TPD52L1: variants seen among roughly 807,000 people sequenced by gnomAD.
The protein encoded by TPD52L1 is TPD52 like 1, also known as tumor protein D53.
A neutral mutation model predicts 28.7 loss-of-function variants in TPD52L1; 18 were observed. The ratio of observed to expected loss-of-function variants is 0.63; its 90% CI spans 0.43 to 0.93. The LOEUF is 0.93. TPD52L1 is among the 40% of genes least tolerant of loss of function. TPD52L1 has a pLI of 0.00. For synonymous variants in TPD52L1, 75 were observed against 88.8 expected, an observed-to-expected ratio of 0.84 and a Z score of 0.88; for missense variants, 203 against 254.8, an observed-to-expected ratio of 0.80 and a Z score of 1.39.
chr6:125,253,394 T>C (rs1022980280), intron 4 of TPD52L1: 2 of 368,990 alleles, frequency 5.4e-6, no homozygotes, highest in African/African-American at 4.2e-5. Flanking sequence ...GAGACCTAAG[T>C]TGGGCCTGGA....
chr6:125,178,528 G>C (rs755979856), intron 1 of TPD52L1, among the ~76,000 whole-genome samples: 5 of 152,182 alleles, frequency 3.3e-5, no homozygotes, highest in Non-Finnish European at 7.3e-5. Context: ...GGCTGAGGCA[G>C]GAGAATCGCT....
rs568332096 is a variant in TPD52L1 at position 125,163,785 on chromosome 6, C to T, written c.19+9815C>T. Among the ~76,000 whole-genome samples, 60 of 148,498 alleles carry T rather than the reference C, an allele frequency of 4.0e-4. No homozygotes were observed. In the South Asian group the frequency reaches 9.7e-3, roughly 24 times the overall value. Reference sequence around the variant, plus strand: ...TACTAAAAATACAAAAATTAGCTGGCGGGCACCTGTAATCCCAGCTACTTG... The same window carrying T: ...TACTAAAAATACAAAAATTAGCTGGTGGGCACCTGTAATCCCAGCTACTTG... On this transcript the variant is annotated intron_variant, in intron 1 of 6. Transcript: ENST00000534000.
chr6:125,222,564 C>T (rs1430774456), intron 2 of TPD52L1, among the ~76,000 whole-genome samples: 4 of 152,156 alleles, frequency 2.6e-5, no homozygotes, highest in Non-Finnish European at 4.4e-5. Flanking sequence ...TGTTTCCTTC[C>T]TCTCCCTACT....
intron 6 of TPD52L1, chr6:125,262,492 C>A (rs890186154): frequency 2.4e-5 from 4 of 167,038 alleles, no homozygotes; most frequent in Non-Finnish European, 5.1e-5. Flanking sequence ...AAATCTAATT[C>A]CATTTTGATT....
intron 3 of TPD52L1, among the ~76,000 whole-genome samples, chr6:125,235,520 C>A (rs1265326108): frequency 6.6e-6 from 1 of 152,158 alleles, no homozygotes; most frequent in Non-Finnish European, 1.5e-5. Flanking sequence ...GACCCATAGG[C>A]CGCAGGTTGG....
At chr6:125,193,451 TA>T (rs1793195144) in intron 1 of TPD52L1, among the ~76,000 whole-genome samples, 1 of 151,866 alleles carries the variant, frequency 6.6e-6, no homozygotes, top group Non-Finnish European at 1.5e-5. Context: ...GATGGGAAAA[TA>T]GCTGAGAACC....
chr6:125,164,931 C>T (rs888597728), intron 1 of TPD52L1, among the ~76,000 whole-genome samples: 4 of 151,646 alleles, frequency 2.6e-5, no homozygotes, highest in African/African-American at 7.3e-5. Context: ...CCAACAACAC[C>T]GTAAAGCCAG....
chr6:125,244,763 C>T (rs1209326858), intron 3 of TPD52L1, among the ~76,000 whole-genome samples: 2 of 152,148 alleles, frequency 1.3e-5, no homozygotes, highest in African/African-American at 4.8e-5. Flanking sequence ...CCTACACAAT[C>T]ACAGGGGATG....
At chr6:125,156,521 G>A (rs1034298109) in intron 1 of TPD52L1, among the ~76,000 whole-genome samples, 3 of 149,298 alleles carry the variant, frequency 2.0e-5, no homozygotes, top group Non-Finnish European at 3.0e-5. Context: ...TGTAATTCCA[G>A]CACTTTGGGA....
chr6:125,236,889 C>T (rs1328347629), intron 3 of TPD52L1, among the ~76,000 whole-genome samples: 1 of 152,172 alleles, frequency 6.6e-6, no homozygotes, highest in East Asian at 1.9e-4. Context: ...CTTGACTAGA[C>T]AGAAAGAGGT....
chr6:125,200,411 AGCATG>A (rs1303442018), intron 1 of TPD52L1, among the ~76,000 whole-genome samples: 4 of 152,224 alleles, frequency 2.6e-5, no homozygotes, highest in African/African-American at 9.6e-5. Flanking sequence ...TGAATAATTT[AGCATG>A]TCCTAATTTT....
At chr6:125,199,310 T>C (rs921324995) in intron 1 of TPD52L1, among the ~76,000 whole-genome samples, 13 of 152,270 alleles carry the variant, frequency 8.5e-5, no homozygotes, top group South Asian at 2.1e-4. Flanking sequence ...TAAATAATTA[T>C]TGATATTTGC....
rs1360174397 is a variant in TPD52L1 at position 125,186,687 on chromosome 6, T to G, written c.19+32717T>G. ...AATATGTACCATAAAGCCATCTTTATCAAAACGGTGTGACGTTGACACCAT... is the reference window on the plus strand; with the variant it reads ...AATATGTACCATAAAGCCATCTTTAGCAAAACGGTGTGACGTTGACACCAT... On this transcript the variant is annotated intron_variant, in intron 1 of 6. Transcript: ENST00000534000. Among the ~76,000 whole-genome samples, 4 of 152,182 alleles carry G rather than the reference T, an allele frequency of 2.6e-5. No homozygotes were observed. In the East Asian group the frequency reaches 7.7e-4, roughly 29 times the overall value.
chr6:125,204,408 G>T (rs1183035665), intron 1 of TPD52L1, among the ~76,000 whole-genome samples: 17 of 152,170 alleles, frequency 1.1e-4, no homozygotes, highest in Admixed American at 1.1e-3. Flanking sequence ...CATTGCATTG[G>T]TTGCAAGTCT....
In TPD52L1 at chr6:125,252,023, T is replaced by A. The variant is rs759173090; in HGVS notation, c.387-1694T>A. ...CTCTCCTGTGCTTCCGGGCTGCAGG[T>A]CTCACTCCATCGGGTAAGCGCCACA... On this transcript the variant is annotated intron_variant, in intron 4 of 6. Coordinates refer to ENST00000534000, the MANE Select transcript of TPD52L1 (RefSeq NM_003287.4). 34 of 1,536,080 alleles carry A rather than the reference T, an allele frequency of 2.2e-5. 1 individual carries two copies. The South Asian group carries it at 4.0e-4, about 18-fold the overall frequency.
chr6:125,202,017 G>A (rs1035368115), intron 1 of TPD52L1, among the ~76,000 whole-genome samples: 15 of 152,094 alleles, frequency 9.9e-5, no homozygotes, highest in Non-Finnish European at 1.8e-4. Flanking sequence ...CTGTCTATAC[G>A]TCTGACCAAT....
intron 3 of TPD52L1, among the ~76,000 whole-genome samples, chr6:125,241,864 G>A (rs956086458): frequency 3.3e-5 from 5 of 150,662 alleles, no homozygotes; most frequent in African/African-American, 9.7e-5. Context: ...CTTCTGCTGG[G>A]TTTGGGTTTG....
intron 1 of TPD52L1, among the ~76,000 whole-genome samples, chr6:125,188,308 A>G (rs1792786694): frequency 6.6e-6 from 1 of 152,184 alleles, no homozygotes; most frequent in East Asian, 1.9e-4. Context: ...TTCACCTAGT[A>G]AGAGCTGATT....
intron 1 of TPD52L1, among the ~76,000 whole-genome samples, chr6:125,181,366 G>T (rs1582874416): frequency 6.6e-6 from 1 of 152,100 alleles, no homozygotes; most frequent in African/African-American, 2.4e-5. Flanking sequence ...TTTACGCCAG[G>T]ATACACAAAG....
Sources: gnomAD v4.1 joint callset for allele counts (sites outside exome capture counted in the v4.1 genomes callset) on GRCh38, gnomAD v4.1.1 for gene constraint, MANE v1.5 for transcripts, NCBI Gene and HGNC (gene_info 2026-07-23, HGNC 2026-07-21) for gene names.